CCPG1: variants seen among roughly 807,000 people sequenced by gnomAD.
CCPG1 encodes the protein cell cycle progression 1.
Under a neutral mutation model 81.3 loss-of-function variants are expected in CCPG1, and 46 were observed. That is an observed-to-expected ratio of 0.57 (90% CI 0.45 to 0.72). The LOEUF is 0.72. CCPG1 is among the 30% of genes least tolerant of loss of function. The probability of loss-of-function intolerance (pLI) is 0.00; values close to 1 mark genes in which losing one functional copy is unlikely to be tolerated. For missense variants in CCPG1, 902 were observed against 937.6 expected, an observed-to-expected ratio of 0.96 and a Z score of 0.50; for synonymous variants, 330 against 305.2, an observed-to-expected ratio of 1.08 and a Z score of -0.85.
At chr15:55,406,436 C>CTTTTTTTTTTTTTGTTTTTTTTT (rs1595873414) in intron 1 of CCPG1, among the ~76,000 whole-genome samples, 1 of 126,274 alleles carries the variant, frequency 7.9e-6, no homozygotes, top group Admixed American at 8.4e-5. Context: ...TTCTTTTTCT[C>CTTTTTTTTTTTTTGTTTTTTTTT]TTTTTTTTTT....
chr15:55,356,714 C>A, intron 8 of CCPG1: 1 of 1,070,836 alleles, frequency 9.3e-7, no homozygotes, highest in Non-Finnish European at 1.1e-6. Context: ...TCCTCCTTTC[C>A]TATAAAAATC....
chr15:55,360,115 C>T lies in CCPG1; in HGVS notation c.1658G>A (p.Gly553Asp), dbSNP rs1063565. 1.2e-6 allele frequency: 2 copies of T among 1,613,572 alleles called. No homozygotes were observed. Among genetic ancestry groups the T allele is most frequent in the South Asian group, 2.2e-5 (2 of 91,026 alleles). Reference protein sequence around the residue: ...IFDEKGNKRFGATKEAAEKPR... With the variant: ...IFDEKGNKRFDATKEAAEKPR... The stretch of plus-strand genomic sequence containing the variant: ...TTTTTCAGCTGCTTCTTTTGTAGCA[C>T]CAAATCTTTTATTACCCTTTTCATC... The change falls in exon 8 of 9, where the codon GGT (glycine) becomes GAT (aspartate). Residue 553 changes from glycine (G) to aspartate (D), a missense_variant. This residue lies in a region of CCPG1 where 746 missense variants were observed against 728.6 expected (regional missense o/e 1.02). Coordinates refer to ENST00000442196, the MANE Select transcript of CCPG1 (RefSeq NM_001204450.2).
At chr15:55,378,418 A>C in intron 3 of CCPG1, 42 bp from the exon 4 acceptor site, 1 of 1,294,802 alleles carries the variant, frequency 7.7e-7, no homozygotes, top group Non-Finnish European at 1.1e-6. Context: ...TCTTAATTTA[A>C]AACTCTCTGT....
At chr15:55,359,511 G>C in intron 8 of CCPG1, 28 bp downstream of exon 8, 1 of 1,563,714 alleles carries the variant, frequency 6.4e-7, no homozygotes, top group Non-Finnish European at 8.6e-7. Context: ...ACAAACTACT[G>C]TAATGACACG....
intron 1 of CCPG1, among the ~76,000 whole-genome samples, chr15:55,396,238 T>C (rs2057015667): frequency 1.3e-5 from 2 of 151,764 alleles, no homozygotes; most frequent in African/African-American, 4.8e-5. Context: ...GGTAAATGTA[T>C]AAACCCTCCC....
intron 5 of CCPG1, 87 bp from the exon 6 acceptor site, chr15:55,372,131 C>T (rs2056462258): frequency 1.6e-6 from 2 of 1,238,666 alleles, no homozygotes; most frequent in South Asian, 2.9e-5. Flanking sequence ...CAATGCCATC[C>T]CTTACATGCC....
At chr15:55,374,097 G>T in intron 5 of CCPG1, 2 of 970,772 alleles carry the variant, frequency 2.1e-6, no homozygotes, top group Non-Finnish European at 2.9e-6. Flanking sequence ...TCGGTAAATA[G>T]TAAATGTGAC....
chr15:55,373,562 T>C (rs1387870875), intron 5 of CCPG1, among the ~76,000 whole-genome samples: 7 of 152,338 alleles, frequency 4.6e-5, no homozygotes, highest in Middle Eastern at 3.4e-3. Context: ...ATCTTTTTGG[T>C]CATGACCCTT....
chr15:55,405,303 G>A (rs1293360308), intron 1 of CCPG1, among the ~76,000 whole-genome samples: 1 of 151,980 alleles, frequency 6.6e-6, no homozygotes, highest in Non-Finnish European at 1.5e-5. Context: ...CGGAGGTTGT[G>A]GTGAGCTGAG....
chr15:55,395,855 T>C (rs750241935), intron 1 of CCPG1, among the ~76,000 whole-genome samples: 9 of 152,084 alleles, frequency 5.9e-5, no homozygotes, highest in Non-Finnish European at 1.0e-4. Context: ...TTAATTGTTC[T>C]TTACAGAACT....
At position 55,366,284 on chromosome 15, in the gene CCPG1, G is replaced by A. The variant is rs563396587; in HGVS notation, c.707-975C>T. 4.6e-5 allele frequency among the ~76,000 whole-genome samples: 7 copies of A among 151,636 alleles called. No homozygotes were observed. In the South Asian group the frequency reaches 8.3e-4, roughly 18 times the overall value. On this transcript the variant is annotated intron_variant, in intron 6 of 8. Coordinates refer to ENST00000442196, the MANE Select transcript of CCPG1 (RefSeq NM_001204450.2). ...AAACCCTGGTATTTTTTCACAGGTC[G>A]TAAGTCAATAAGGAAAAATGAAAAT... is the stretch of plus-strand genomic sequence containing the variant.
chr15:55,359,457 G>T, intron 8 of CCPG1, 82 bp downstream of exon 8: 7 of 1,503,566 alleles, frequency 4.7e-6, no homozygotes, highest in Non-Finnish European at 6.2e-6. Flanking sequence ...AACCTTACAA[G>T]AAACTCATCA....
chr15:55,356,616 ACT>A, intron 8 of CCPG1: 2 of 1,235,064 alleles, frequency 1.6e-6, no homozygotes, highest in Non-Finnish European at 2.0e-6. Flanking sequence ...ATAGACAATA[ACT>A]CTACTGGCAA....
At chr15:55,381,549 G>A (rs985047202) in intron 3 of CCPG1, among the ~76,000 whole-genome samples, 1 of 152,192 alleles carries the variant, frequency 6.6e-6, no homozygotes, top group Non-Finnish European at 1.5e-5. Flanking sequence ...ACACAAAAAA[G>A]ATGAGAATCA....
intron 1 of CCPG1, among the ~76,000 whole-genome samples, chr15:55,402,845 T>A (rs77411832): frequency 6.6e-6 from 1 of 152,202 alleles, no homozygotes; most frequent in Non-Finnish European, 1.5e-5. Context: ...CTTACACTTA[T>A]AGAAGTGAGA....
intron 3 of CCPG1, among the ~76,000 whole-genome samples, chr15:55,382,298 A>G (rs2056714409): frequency 6.6e-6 from 1 of 152,156 alleles, no homozygotes. Context: ...ATTGGAGTCA[A>G]TCTTCTCAAA....
At position 55,377,224 on chromosome 15, in the gene CCPG1, A is replaced by G. The variant is rs1047458376; in HGVS notation, c.253-74T>C. 19 of 997,466 alleles carry G rather than the reference A, an allele frequency of 1.9e-5. No homozygotes were observed. In the African/African-American group the frequency reaches 2.9e-4, roughly 15 times the overall value. 61.8% of individuals were successfully genotyped at this position (997,466 alleles called of 1,614,324 possible). ...GTCTTACATTTTCTTAGAATACAACAGTAGTAAGTATTATAGTCATCTGAG... is the reference window on the plus strand; with the variant it reads ...GTCTTACATTTTCTTAGAATACAACGGTAGTAAGTATTATAGTCATCTGAG... On this transcript the variant is annotated intron_variant, in intron 4 of 8. Transcript: ENST00000442196.
intron 6 of CCPG1, among the ~76,000 whole-genome samples, chr15:55,370,863 G>A (rs931176038): frequency 2.9e-5 from 4 of 136,108 alleles, no homozygotes; most frequent in African/African-American, 5.6e-5. Flanking sequence ...GCGACAGAGT[G>A]AGACTCCGTC....
chr15:55,389,483 T>C (rs2056870767), intron 1 of CCPG1, 50 bp from the exon 2 acceptor site: 1 of 1,304,074 alleles, frequency 7.7e-7, no homozygotes, highest in Non-Finnish European at 1.1e-6. Flanking sequence ...TTTTTAATTC[T>C]ATAGGAAGCA....
Sources: gnomAD v4.1 joint callset for allele counts (sites outside exome capture counted in the v4.1 genomes callset) on GRCh38, gnomAD v4.1.1 for gene constraint, gnomAD v4.1.1 regional missense constraint, MANE v1.5 for transcripts, NCBI Gene and HGNC (gene_info 2026-07-23, HGNC 2026-07-21) for gene names.